The following PLCB4 variants were observed in gnomAD, a reference collection of about 807,000 sequenced individuals.
PLCB4 encodes 1-phosphatidylinositol 4,5-bisphosphate phosphodiesterase beta-4.
A neutral mutation model predicts 178.8 loss-of-function variants in PLCB4; 77 were observed. The observed-to-expected ratio is 0.43, with a 90% CI of 0.36 to 0.52. The LOEUF is 0.52. PLCB4 is among the 20% of genes least tolerant of loss of function. PLCB4 has a pLI of 0.00. For missense variants in PLCB4, 1,024 were observed against 1,453.4 expected (o/e 0.70, Z 4.80); for synonymous variants, 496 against 490.8 (o/e 1.01, Z -0.14).
intron 35 of PLCB4, among the ~76,000 whole-genome samples, chr20:9,460,281 CAA>C (rs2043308895): frequency 1.3e-5 from 2 of 152,250 alleles, no homozygotes; most frequent in Admixed American, 1.3e-4. Flanking sequence ...GGAGACTTTT[CAA>C]AATGGTAGGG....
chr20:9,368,576 C>T (rs1193273955), intron 9 of PLCB4, among the ~76,000 whole-genome samples: 1 of 152,132 alleles, frequency 6.6e-6, no homozygotes, highest in Non-Finnish European at 1.5e-5. Flanking sequence ...TATAATCAGC[C>T]CAACCATGTC....
At chr20:9,200,898 TGAATGA>T (rs2093535695) in intron 2 of PLCB4, among the ~76,000 whole-genome samples, 1 of 152,116 alleles carries the variant, frequency 6.6e-6, no homozygotes, top group Admixed American at 6.6e-5. Flanking sequence ...AAATATTTGT[TGAATGA>T]GTAAAATAAC....
chr20:9,145,769 A>G (rs1037351619), intron 2 of PLCB4, among the ~76,000 whole-genome samples: 1 of 152,148 alleles, frequency 6.6e-6, no homozygotes, highest in African/African-American at 2.4e-5. Context: ...CAAAGAGTCT[A>G]GAATAAATGC....
chr20:9,452,791 G>A (rs1354880389), intron 32 of PLCB4, among the ~76,000 whole-genome samples: 1 of 152,134 alleles, frequency 6.6e-6, no homozygotes, highest in African/African-American at 2.4e-5. Flanking sequence ...AATATTAAGT[G>A]ATGTAGATTC....
At chr20:9,188,459 C>A (rs1452358126) in intron 2 of PLCB4, among the ~76,000 whole-genome samples, 2 of 152,132 alleles carry the variant, frequency 1.3e-5, no homozygotes, top group Non-Finnish European at 2.9e-5. Flanking sequence ...ACTTCAATTT[C>A]TTTTCAGCCT....
At chr20:9,364,609 T>G (rs1470710898) in intron 8 of PLCB4, among the ~76,000 whole-genome samples, 1 of 152,220 alleles carries the variant, frequency 6.6e-6, no homozygotes, top group Non-Finnish European at 1.5e-5. Flanking sequence ...ACCACAACTT[T>G]GTTTAACTCT....
At chr20:9,407,455 T>C (rs1442215378) in intron 21 of PLCB4, among the ~76,000 whole-genome samples, 1 of 151,770 alleles carries the variant, frequency 6.6e-6, no homozygotes, top group Non-Finnish European at 1.5e-5. Context: ...CCTCAACCTC[T>C]GCCTCCTGGG....
chr20:9,334,796 G>A (rs1408541886), intron 4 of PLCB4, among the ~76,000 whole-genome samples: 1 of 152,034 alleles, frequency 6.6e-6, no homozygotes, highest in East Asian at 1.9e-4. Flanking sequence ...TATAGGAGGG[G>A]AGAACTGTAG....
rs2040821107 is a variant in PLCB4 at position 9,423,966 on chromosome 20, T to A, written c.2524+14T>A. 4.6e-6 allele frequency: 7 copies of A among 1,514,788 alleles called. No individual in the cohort carries two copies. Among genetic ancestry groups the A allele is most frequent in the Non-Finnish European group, 6.4e-6 (7 of 1,093,330 alleles). 93.8% of individuals were successfully genotyped at this position (1,514,788 alleles called of 1,614,324 possible). A position where few individuals can be genotyped will look rare whatever the true frequency, so the allele number is the denominator to read the frequency against. On this transcript the variant is annotated intron_variant, in intron 28 of 39. Coordinates refer to ENST00000378473, the MANE Select transcript of PLCB4 (RefSeq NM_001377142.1). ...ATGGATTTGGAGGTAAGATAAACAT[T>A]TGGGTACGGAATATGATATAGATGA...
intron 3 of PLCB4, among the ~76,000 whole-genome samples, chr20:9,296,777 A>T (rs2094640811): frequency 6.6e-6 from 1 of 151,910 alleles, no homozygotes; most frequent in Admixed American, 6.6e-5. Context: ...CAAACACCGC[A>T]TGTTCTCACT....
rs141092097 is a variant in PLCB4 at position 9,087,322 on chromosome 20, C to T, written c.-134-8965C>T. On this transcript the variant is annotated intron_variant, in intron 1 of 39. Coordinates refer to ENST00000378473, the MANE Select transcript of PLCB4 (RefSeq NM_001377142.1). ...CTTATTTTATACTATACATAGTATA[C>T]TATACATAGGTTGTATACATAGTAT... is the stretch of plus-strand genomic sequence containing the variant. 3.8e-3 allele frequency among the ~76,000 whole-genome samples: 579 copies of T among 152,222 alleles called. 5 individuals carry two copies. Among genetic ancestry groups the T allele is most frequent in the African/African-American group, 0.013 (537 of 41,528 alleles).
At chr20:9,211,840 T>C (rs560138109) in intron 2 of PLCB4, among the ~76,000 whole-genome samples, 16 of 152,358 alleles carry the variant, frequency 1.1e-4, no homozygotes, top group Non-Finnish European at 1.9e-4. Context: ...TTGTAAAATA[T>C]CTGTATTTTA....
At chr20:9,462,868 C>T (rs1428228214) in intron 35 of PLCB4, among the ~76,000 whole-genome samples, 1 of 152,058 alleles carries the variant, frequency 6.6e-6, no homozygotes, top group African/African-American at 2.4e-5. Flanking sequence ...GTAGAACTTC[C>T]CCAACTTAGC....
chr20:9,144,701 GAGGGGAAGAAGGGGAAGA>G, intron 2 of PLCB4, among the ~76,000 whole-genome samples: 1 of 78,908 alleles, frequency 1.3e-5, no homozygotes. Flanking sequence ...GGAGGGGAAG[GAGGGGAAGAAGGGGAAGA>G]AGGGGAAGGA....
At chr20:9,123,013 G>C (rs895879188) in intron 2 of PLCB4, among the ~76,000 whole-genome samples, 1 of 152,026 alleles carries the variant, frequency 6.6e-6, no homozygotes, top group Non-Finnish European at 1.5e-5. Flanking sequence ...TGAGCATATA[G>C]CTATACAATT....
At position 9,480,589 on chromosome 20, in the gene PLCB4, G is replaced by A. The variant is rs1381118123; in HGVS notation, c.*1580G>A. 6 of 152,122 alleles carry A rather than the reference G, an allele frequency of 3.9e-5. No homozygotes were observed. In the East Asian group the frequency reaches 9.6e-4, roughly 24 times the overall value. The allele number at this position is 152,122 out of a possible 1,614,324, so 9.4% of individuals were successfully genotyped here. A position where few individuals can be genotyped will look rare whatever the true frequency, so the allele number is the denominator to read the frequency against. ...GGGGGCTTATTAATACCCTCAGCAT[G>A]TTTTTCACCCAAATGATGCAAAACA... is the stretch of plus-strand genomic sequence containing the variant. On this transcript the variant is annotated 3_prime_UTR_variant, in exon 40 of 40. Coordinates refer to ENST00000378473, the MANE Select transcript of PLCB4 (RefSeq NM_001377142.1).
At chr20:9,107,785 G>A (rs796452212) in intron 2 of PLCB4, among the ~76,000 whole-genome samples, 5 of 152,236 alleles carry the variant, frequency 3.3e-5, no homozygotes, top group African/African-American at 1.2e-4. Flanking sequence ...CACGTTGGCT[G>A]CTGAGTTCAG....
chr20:9,209,343 GT>G (rs538882451), intron 2 of PLCB4, among the ~76,000 whole-genome samples: 435 of 152,216 alleles, frequency 2.9e-3, no homozygotes, highest in Middle Eastern at 0.01. Context: ...TGCATGCTAA[GT>G]TAGGTGTTAA....
At chr20:9,381,097 CACTT>C (rs1451563467) in intron 13 of PLCB4, among the ~76,000 whole-genome samples, 1 of 152,182 alleles carries the variant, frequency 6.6e-6, no homozygotes, top group Non-Finnish European at 1.5e-5. Context: ...GTACAGTTTA[CACTT>C]TCTGCTATGG....
Sources: gnomAD v4.1 joint callset for allele counts (sites outside exome capture counted in the v4.1 genomes callset) on GRCh38, gnomAD v4.1.1 for gene constraint, MANE v1.5 for transcripts, NCBI Gene and HGNC (gene_info 2026-07-23, HGNC 2026-07-21) for gene names.